Variants in PFKFB3 observed in about 807,000 individuals in gnomAD.
The protein encoded by PFKFB3 is 6-phosphofructo-2-kinase/fructose-2,6-bisphosphatase 3.
PFKFB3 carries 33 observed loss-of-function variants against 68.0 expected under a neutral mutation model. The observed-to-expected ratio is 0.49, with a 90% CI of 0.37 to 0.65. PFKFB3 has a LOEUF of 0.65. Ranked by LOEUF, PFKFB3 falls within the 30% of genes least tolerant of loss-of-function variation. PFKFB3 has a pLI of 0.00. For missense variants in PFKFB3, 586 were observed against 712.2 expected, an observed-to-expected ratio of 0.82 and a Z score of 2.02; for synonymous variants, 315 against 288.2, an observed-to-expected ratio of 1.09 and a Z score of -0.94.
intron 1 of PFKFB3, among the ~76,000 whole-genome samples, chr10:6,173,644 A>AT (rs958616102): frequency 9.2e-5 from 14 of 152,028 alleles, no homozygotes; most frequent in African/African-American, 3.1e-4. Context: ...ACAGAGGCAA[A>AT]GGGGGTTTCT....
At chr10:6,248,716 AAT>A (rs1846312174) in intron 14 of PFKFB3, among the ~76,000 whole-genome samples, 1 of 152,156 alleles carries the variant, frequency 6.6e-6, no homozygotes, top group Admixed American at 6.6e-5. Flanking sequence ...GATATATAAA[AAT>A]ATGTTCAATA....
At chr10:6,202,790 G>A (rs183895126), upstream of PFKFB3, 126 of 768,370 alleles carry the variant, frequency 1.6e-4, no homozygotes, top group Non-Finnish European at 1.9e-4. Context: ...GGGGGAGCTC[G>A]CAGGCTGCTT....
the PFKFB3 span, among the ~76,000 whole-genome samples, chr10:6,290,347 T>C: frequency 6.6e-6 from 1 of 152,188 alleles, no homozygotes; most frequent in Admixed American, 6.5e-5. Context: ...GGGTTTGTCA[T>C]AGATAGCTCT....
At chr10:6,192,320 A>AAG in intron 1 of PFKFB3, among the ~76,000 whole-genome samples, 1 of 150,244 alleles carries the variant, frequency 6.7e-6, no homozygotes, top group African/African-American at 2.4e-5. Context: ...TCTCGTCAGC[A>AAG]GCTAGCATCG....
the PFKFB3 span, among the ~76,000 whole-genome samples, chr10:6,268,832 G>A: frequency 6.6e-6 from 1 of 151,352 alleles, no homozygotes; most frequent in African/African-American, 2.4e-5. Flanking sequence ...GACCAGCCTA[G>A]GCAACTTGGC....
the PFKFB3 span, among the ~76,000 whole-genome samples, chr10:6,321,566 C>T: frequency 6.6e-6 from 1 of 152,160 alleles, no homozygotes; most frequent in African/African-American, 2.4e-5. Flanking sequence ...AACTGCATCT[C>T]TTTTGGAATC....
chr10:6,227,601 G>T (rs1468512986), intron 14 of PFKFB3, among the ~76,000 whole-genome samples: 1 of 152,230 alleles, frequency 6.6e-6, no homozygotes, highest in African/African-American at 2.4e-5. Context: ...CCTGCATCAG[G>T]CCCAGTGTCG....
chr10:6,244,833 G>C (rs574985159), intron 14 of PFKFB3, among the ~76,000 whole-genome samples: 4 of 152,262 alleles, frequency 2.6e-5, no homozygotes, highest in African/African-American at 7.2e-5. Context: ...TTGAGAGGGA[G>C]AGTTCCTATT....
At chr10:6,209,838 C>T (rs914439609) in intron 1 of PFKFB3, among the ~76,000 whole-genome samples, 6 of 149,244 alleles carry the variant, frequency 4.0e-5, no homozygotes, top group African/African-American at 1.2e-4. Flanking sequence ...GACCTTGGCT[C>T]ACTGCAAGCT....
the PFKFB3 span, among the ~76,000 whole-genome samples, chr10:6,266,876 A>T: frequency 6.6e-6 from 1 of 152,260 alleles, no homozygotes; most frequent in African/African-American, 2.4e-5. Context: ...CGTGCGAAGC[A>T]GGCCTTGCCT....
At chr10:6,249,448 T>C (rs1458789736) in intron 14 of PFKFB3, among the ~76,000 whole-genome samples, 1 of 152,200 alleles carries the variant, frequency 6.6e-6, no homozygotes, top group African/African-American at 2.4e-5. Flanking sequence ...AACATAAGTG[T>C]TCAGCAACAT....
At position 6,244,494 on chromosome 10, in the gene PFKFB3, C is replaced by T. The variant is rs1046104153; in HGVS notation, c.1516-9684C>T. Among the ~76,000 whole-genome samples, 14 of 152,172 alleles carry T rather than the reference C, an allele frequency of 9.2e-5. 1 individual carries two copies. Among genetic ancestry groups the T allele is most frequent in the Non-Finnish European group, 1.8e-4 (12 of 68,038 alleles). ...CGGGGCAGGCCTGAGAATTTGGGCG[C>T]AGCATCCAGAAAAGCTGTATTTAGC... On this transcript the variant is annotated intron_variant, in intron 14 of 14. Coordinates refer to the PFKFB3 transcript ENST00000640683.
In PFKFB3 at chr10:6,220,681, TTGACG is replaced by T; in HGVS notation, c.650_654del (p.Asp217GlyfsTer105). On this transcript the variant is annotated frameshift_variant, in exon 8 of 15. Coordinates refer to ENST00000379775, the MANE Select transcript of PFKFB3 (RefSeq NM_004566.4). LOFTEE classifies it high-confidence loss of function. The surrounding 1 kb of genome is among the most constrained non-coding windows in gnomAD (Gnocchi z 4.1). ...AGGGACTTGTCGCTGATCAAGGTGA[TTGACG>T]TGGGCCGGAGGTTCCTGGTGAACCG... 3 of 1,613,916 alleles carry T rather than the reference TTGACG, an allele frequency of 1.9e-6. No homozygotes were observed. The highest frequency in any genetic ancestry group is 2.5e-6 in the Non-Finnish European group (3 of 1,179,976).
At chr10:6,181,796 TAA>T (rs60557537) in intron 1 of PFKFB3, among the ~76,000 whole-genome samples, 30,701 of 113,712 alleles carry the variant, frequency 0.27, 4,183 homozygotes, top group East Asian at 0.54. Flanking sequence ...AGACTCCGTT[TAA>T]AAAAAAAAAA....
the PFKFB3 span, among the ~76,000 whole-genome samples, chr10:6,286,269 G>A: frequency 6.6e-6 from 1 of 152,044 alleles, no homozygotes. Flanking sequence ...GAGCCACCAC[G>A]CCAGGCCCTT....
At position 6,215,673 on chromosome 10, in the gene PFKFB3, C is replaced by G. The variant is rs997791039; in HGVS notation, c.299+356C>G. On this transcript the variant is annotated intron_variant, in intron 3 of 14. Transcript: ENST00000379775. This position sits in a 1 kb window ranked among gnomAD's most constrained non-coding sequence, Gnocchi z 4.3. Reference sequence around the variant, plus strand: ...GCACCCTCACTGAGAATTAGCAAGTCCTGTTCATCGGGAGTGTCTGTTTAT... The same window carrying G: ...GCACCCTCACTGAGAATTAGCAAGTGCTGTTCATCGGGAGTGTCTGTTTAT... Among the ~76,000 whole-genome samples the G allele has an allele frequency of 6.6e-6, 1 of 152,182 alleles. No individual in the cohort carries two copies. Among genetic ancestry groups the G allele is most frequent in the Non-Finnish European group, 1.5e-5 (1 of 68,026 alleles).
At chr10:6,144,952 T>C (rs1841327147) in exon 1 of PFKFB3, 1 of 1,259,416 alleles carries the variant, frequency 7.9e-7, no homozygotes, top group South Asian at 2.8e-5. Flanking sequence ...GACGTCGTCC[T>C]GTCTGGGTGT....
At chr10:6,190,494 C>A (rs1842993329) in intron 1 of PFKFB3, among the ~76,000 whole-genome samples, 1 of 152,144 alleles carries the variant, frequency 6.6e-6, no homozygotes, top group Non-Finnish European at 1.5e-5. Context: ...TATCATTATT[C>A]ATTTTGTTGT....
At chr10:6,148,019 G>A (rs115995823) in intron 1 of PFKFB3, among the ~76,000 whole-genome samples, 1 of 152,384 alleles carries the variant, frequency 6.6e-6, no homozygotes, top group African/African-American at 2.4e-5. Flanking sequence ...TTATGGGAAA[G>A]ATGAGTGGTT....
Sources: gnomAD v4.1 joint callset for allele counts (sites outside exome capture counted in the v4.1 genomes callset) on GRCh38, gnomAD v4.1.1 for gene constraint, Gnocchi (gnomAD v3.1) non-coding constraint, MANE v1.5 for transcripts, NCBI Gene and HGNC (gene_info 2026-07-23, HGNC 2026-07-21) for gene names.